ELK3: variants seen among roughly 807,000 people sequenced by gnomAD.
ELK3 encodes ETS transcription factor ELK3.
A neutral mutation model predicts 28.9 loss-of-function variants in ELK3; 10 were observed. That is an observed-to-expected ratio of 0.35 (90% CI 0.21 to 0.59). The LOEUF (loss-of-function observed/expected upper bound fraction) is 0.59. Ranked by LOEUF, ELK3 falls within the 20% of genes least tolerant of loss-of-function variation. The pLI, the probability that ELK3 is intolerant of heterozygous loss-of-function variation, is 0.82. For missense variants in ELK3, 463 were observed against 517.3 expected, an observed-to-expected ratio of 0.90 and a Z score of 1.02; for synonymous variants, 272 against 243.5, an observed-to-expected ratio of 1.12 and a Z score of -1.09.
chr12:96,245,474 G>A (rs1951849071), intron 2 of ELK3, among the ~76,000 whole-genome samples: 1 of 152,154 alleles, frequency 6.6e-6, no homozygotes, highest in Non-Finnish European at 1.5e-5. Context: ...CTAATGTGGG[G>A]ATCTAATGAG....
At chr12:96,234,406 G>C (rs939228559) in intron 2 of ELK3, among the ~76,000 whole-genome samples, 2 of 152,186 alleles carry the variant, frequency 1.3e-5, no homozygotes, top group Non-Finnish European at 2.9e-5. Flanking sequence ...GAGCGTTCCT[G>C]CTTCTGGGAT....
chr12:96,260,675 GT>G (rs1951986741), intron 4 of ELK3, among the ~76,000 whole-genome samples: 1 of 152,310 alleles, frequency 6.6e-6, no homozygotes, highest in East Asian at 1.9e-4. Context: ...TGATTAAGGT[GT>G]TACTGTTTGA....
intron 2 of ELK3, among the ~76,000 whole-genome samples, chr12:96,227,343 C>G (rs372295086): frequency 2.6e-5 from 4 of 152,306 alleles, no homozygotes; most frequent in African/African-American, 9.6e-5. Context: ...TTTTTCCCAT[C>G]ATCTCTTCTG....
intron 1 of ELK3, among the ~76,000 whole-genome samples, chr12:96,206,300 T>C (rs1470083731): frequency 6.6e-6 from 1 of 152,076 alleles, no homozygotes; most frequent in African/African-American, 2.4e-5. Flanking sequence ...TTTCTCTTCT[T>C]TCTCTTTCCC....
At chr12:96,256,343 T>C (rs1951948796) in intron 3 of ELK3, among the ~76,000 whole-genome samples, 1 of 152,170 alleles carries the variant, frequency 6.6e-6, no homozygotes, top group African/African-American at 2.4e-5. Context: ...GTTTATGTCT[T>C]GTTTTATCCT....
rs201670464 is a variant in ELK3 at position 96,267,184 on chromosome 12, C to A, written c.*4C>A. The A allele has an allele frequency of 6.2e-7, 1 of 1,610,600 alleles. No individual in the cohort carries two copies. The highest frequency in any genetic ancestry group is 8.5e-7 in the Non-Finnish European group (1 of 1,178,270). ...TTCAAACTCTCAGAAATCCTGATGA[C>A]GTCTGGCCACAATTAAGGACTCATT... On this transcript the variant is annotated 3_prime_UTR_variant, in exon 5 of 5. Transcript: ENST00000228741.
intron 1 of ELK3, among the ~76,000 whole-genome samples, chr12:96,215,753 A>T (rs142138212): frequency 1.3e-5 from 2 of 149,994 alleles, no homozygotes; most frequent in East Asian, 3.9e-4. Context: ...CTCTCACCCC[A>T]GCCTCTTGAG....
intron 1 of ELK3, among the ~76,000 whole-genome samples, chr12:96,219,094 G>A (rs1951643990): frequency 6.6e-6 from 1 of 152,166 alleles, no homozygotes; most frequent in African/African-American, 2.4e-5. Context: ...ACTTAGAGCA[G>A]GCCTCCATGT....
intron 3 of ELK3, among the ~76,000 whole-genome samples, chr12:96,251,385 A>G (rs1231257958): frequency 6.6e-6 from 1 of 152,086 alleles, no homozygotes; most frequent in Admixed American, 6.5e-5. Flanking sequence ...TATTCCCTGA[A>G]ACACAACAAT....
rs150914844 is a variant in ELK3 at position 96,242,630 on chromosome 12, C to T, written c.208-4310C>T. 5.9e-5 allele frequency among the ~76,000 whole-genome samples: 9 copies of T among 152,274 alleles called. No homozygotes were observed. The East Asian group carries it at 1.7e-3, about 29-fold the overall frequency. On this transcript the variant is annotated intron_variant, in intron 2 of 4. Coordinates refer to ENST00000228741, the MANE Select transcript of ELK3 (RefSeq NM_005230.4). The stretch of plus-strand genomic sequence containing the variant: ...CAGTGCAGCTGCAGGGACACACGTC[C>T]TCTGAGCCCAGGTTGTTCCTAATCC...
intron 2 of ELK3, among the ~76,000 whole-genome samples, chr12:96,224,709 T>C (rs895619425): frequency 2.0e-4 from 31 of 152,360 alleles, no homozygotes; most frequent in Non-Finnish European, 4.0e-4. Flanking sequence ...CAGGCCTTAA[T>C]TGTTAGCCAT....
intron 1 of ELK3, among the ~76,000 whole-genome samples, chr12:96,199,056 C>G (rs1161555565): frequency 6.6e-6 from 1 of 152,018 alleles, no homozygotes; most frequent in Non-Finnish European, 1.5e-5. Flanking sequence ...AGACTGAGTT[C>G]CTATGTGCTG....
At position 96,247,722 on chromosome 12, in the gene ELK3, C is replaced by A. The variant is rs1186050365; in HGVS notation, c.990C>A (p.Phe330Leu). The change falls in exon 3 of 5, where the codon TTC (phenylalanine) becomes TTA (leucine). Residue 330 changes from phenylalanine to leucine, a missense_variant. This residue lies in a region of ELK3 where 408 missense variants were observed against 414.8 expected (regional missense o/e 0.98). Transcript: ENST00000228741. The surrounding 1 kb of genome is among the most constrained non-coding windows in gnomAD (Gnocchi z 5.5). ...ALPSGSLTPA[F>L]FTAQTPNGLL... ...CCTCGGGATCCCTCACCCCAGCCTT[C>A]TTCACCGCACAGGTAAGAGTCATTC... The A allele has an allele frequency of 1.3e-6, 2 of 1,580,968 alleles. No individual in the cohort carries two copies. Among genetic ancestry groups the A allele is most frequent in the Non-Finnish European group, 1.7e-6 (2 of 1,164,490 alleles).
intron 2 of ELK3, among the ~76,000 whole-genome samples, chr12:96,245,304 A>G (rs928827166): frequency 5.9e-5 from 9 of 152,170 alleles, no homozygotes; most frequent in Admixed American, 2.6e-4. Flanking sequence ...TTTCATGTCT[A>G]TTGGGGGATC....
intron 2 of ELK3, among the ~76,000 whole-genome samples, chr12:96,242,484 A>G (rs1211115726): frequency 2.0e-5 from 3 of 152,214 alleles, no homozygotes; most frequent in Non-Finnish European, 4.4e-5. Flanking sequence ...TATTCCTGAC[A>G]CTGAGTCTTC....
Position 96,255,224 on chromosome 12 carries a change from C to CT in ELK3, c.1003-4506dup, listed in dbSNP as rs547837013. On this transcript the variant is annotated intron_variant, in intron 3 of 4. Coordinates refer to ENST00000228741, the MANE Select transcript of ELK3 (RefSeq NM_005230.4). ...GAGTGTGAGGAACATGGGAGGAAGA[C>CT]TAAGCTCCCTGGGAAAAGGCTAAAC... Among the ~76,000 whole-genome samples, 10 of 152,170 alleles carry CT rather than the reference C, an allele frequency of 6.6e-5. No individual in the cohort carries two copies. In the East Asian group the frequency reaches 1.9e-3, roughly 29 times the overall value.
intron 2 of ELK3, among the ~76,000 whole-genome samples, chr12:96,232,438 T>C (rs1466509777): frequency 1.3e-5 from 2 of 151,558 alleles, no homozygotes; most frequent in East Asian, 3.9e-4. Context: ...GGCATGGTGG[T>C]GTGCGCCTAT....
At chr12:96,218,674 A>T (rs1169099873) in intron 1 of ELK3, among the ~76,000 whole-genome samples, 2 of 144,532 alleles carry the variant, frequency 1.4e-5, no homozygotes, top group African/African-American at 5.1e-5. Context: ...TTTGAGACAG[A>T]GTCTCGCTCT....
chr12:96,216,559 CAA>C (rs930267889), intron 1 of ELK3, among the ~76,000 whole-genome samples: 3 of 152,196 alleles, frequency 2.0e-5, no homozygotes, highest in Non-Finnish European at 2.9e-5. Context: ...GCCTAATGGA[CAA>C]AGAGCCCAGG....
Sources: gnomAD v4.1 joint callset for allele counts (sites outside exome capture counted in the v4.1 genomes callset) on GRCh38, gnomAD v4.1.1 for gene constraint, gnomAD v4.1.1 regional missense constraint, Gnocchi (gnomAD v3.1) non-coding constraint, MANE v1.5 for transcripts, NCBI Gene and HGNC (gene_info 2026-07-23, HGNC 2026-07-21) for gene names.